Variants in EVA1C observed in about 807,000 individuals in gnomAD.
EVA1C encodes the protein protein eva-1 homolog C.
Under a neutral mutation model 45.4 loss-of-function variants are expected in EVA1C, and 25 were observed. The observed-to-expected ratio is 0.55, with a 90% CI of 0.40 to 0.77. The LOEUF is 0.77. Ranked by LOEUF, EVA1C falls within the 30% of genes least tolerant of loss-of-function variation. The pLI, the probability that EVA1C is intolerant of heterozygous loss-of-function variation, is 0.00. For missense variants in EVA1C, 479 were observed against 554.8 expected (o/e 0.86, Z 1.37); for synonymous variants, 190 against 221.2 (o/e 0.86, Z 1.25).
intron 4 of EVA1C, among the ~76,000 whole-genome samples, chr21:32,490,135 T>G (rs1176195715): frequency 6.6e-6 from 1 of 152,060 alleles, no homozygotes; most frequent in Non-Finnish European, 1.5e-5. Flanking sequence ...GTGTACAGTT[T>G]GGTCGTGTTA....
intron 3 of EVA1C, among the ~76,000 whole-genome samples, chr21:32,460,291 C>T (rs370787265): frequency 1.7e-4 from 26 of 152,130 alleles, no homozygotes; most frequent in African/African-American, 6.3e-4. Context: ...TAATTTCCAC[C>T]CCAAACAGCA....
chr21:32,482,790 T>C (rs1201064229), intron 4 of EVA1C, among the ~76,000 whole-genome samples: 5 of 151,886 alleles, frequency 3.3e-5, no homozygotes, highest in Admixed American at 1.3e-4. Context: ...CACCCTCTTG[T>C]GTTCTGGAAC....
intron 4 of EVA1C, among the ~76,000 whole-genome samples, chr21:32,488,133 T>C (rs2037035216): frequency 6.6e-6 from 1 of 152,190 alleles, no homozygotes; most frequent in Admixed American, 6.5e-5. Flanking sequence ...GATAAGGGGT[T>C]AATATTCAAA....
At chr21:32,480,624 C>T (rs191474966) in intron 4 of EVA1C, among the ~76,000 whole-genome samples, 334 of 152,252 alleles carry the variant, frequency 2.2e-3, no homozygotes, top group African/African-American at 7.4e-3. Flanking sequence ...ACCGTGTCTG[C>T]GCCACTGCAC....
At chr21:32,427,809 G>A (rs1192332227) in intron 1 of EVA1C, among the ~76,000 whole-genome samples, 1 of 146,788 alleles carries the variant, frequency 6.8e-6, no homozygotes, top group East Asian at 2.0e-4. Context: ...CTTGAAGGCA[G>A]GAGTTTGAGA....
In EVA1C at chr21:32,500,904, C is replaced by T. The variant is rs139239570; in HGVS notation, c.779-511C>T. On this transcript the variant is annotated intron_variant, in intron 5 of 7. Transcript: ENST00000300255. ...TTCGCTCACTGCAACCTCTGCCTCC[C>T]GTGTTCAAGCAAATTCTCCCTGCTT... 1.5e-3 allele frequency among the ~76,000 whole-genome samples: 232 copies of T among 152,182 alleles called. 2 individuals carry two copies. The highest frequency in any genetic ancestry group is 4.4e-3 in the African/African-American group (184 of 41,504).
At chr21:32,480,371 T>C (rs995375470) in intron 4 of EVA1C, among the ~76,000 whole-genome samples, 4 of 150,582 alleles carry the variant, frequency 2.7e-5, no homozygotes, top group South Asian at 2.1e-4. Context: ...TTTAAAATAT[T>C]GCTTATTTAA....
intron 1 of EVA1C, among the ~76,000 whole-genome samples, chr21:32,449,063 AAAG>A (rs1190207600): frequency 6.6e-6 from 1 of 152,086 alleles, no homozygotes; most frequent in Non-Finnish European, 1.5e-5. Flanking sequence ...AGAGAAAAGA[AAAG>A]AAAGAAAAAT....
At chr21:32,492,597 T>C (rs1397521881) in intron 4 of EVA1C, among the ~76,000 whole-genome samples, 2 of 152,116 alleles carry the variant, frequency 1.3e-5, no homozygotes, top group Admixed American at 6.5e-5. Flanking sequence ...CTATGCTTCT[T>C]CACAGCACCA....
chr21:32,495,210 C>T (rs1310873058), intron 5 of EVA1C, 40 bp downstream of exon 5: 3 of 1,604,400 alleles, frequency 1.9e-6, no homozygotes, highest in East Asian at 4.5e-5. Context: ...ATGACACTGC[C>T]TCTTTTGGGG....
intron 1 of EVA1C, among the ~76,000 whole-genome samples, chr21:32,415,681 T>A (rs756011490): frequency 2.6e-5 from 4 of 152,104 alleles, no homozygotes; most frequent in Non-Finnish European, 4.4e-5. Flanking sequence ...TGCTCGTGAC[T>A]TGTTCTAATC....
intron 1 of EVA1C, among the ~76,000 whole-genome samples, chr21:32,424,070 T>G (rs998285140): frequency 6.6e-6 from 1 of 152,178 alleles, no homozygotes; most frequent in Admixed American, 6.5e-5. Context: ...CCCTGCAATG[T>G]GGGGGAATAA....
chr21:32,505,156 G>A (rs2037684864), intron 7 of EVA1C, among the ~76,000 whole-genome samples: 1 of 152,016 alleles, frequency 6.6e-6, no homozygotes, highest in Admixed American at 6.5e-5. Flanking sequence ...TTTGGGTGGG[G>A]ACACAGCCAA....
chr21:32,493,753 A>G (rs1023776205), intron 4 of EVA1C: 4 of 151,838 alleles, frequency 2.6e-5, no homozygotes, highest in East Asian at 1.9e-4. Flanking sequence ...TCATCTGGGT[A>G]AAAAGCAAGG....
At chr21:32,433,998 A>T (rs1296411452) in intron 1 of EVA1C, among the ~76,000 whole-genome samples, 1 of 152,050 alleles carries the variant, frequency 6.6e-6, no homozygotes, top group Non-Finnish European at 1.5e-5. Flanking sequence ...ATCTCTGTTA[A>T]AAAATAATAA....
intron 3 of EVA1C, among the ~76,000 whole-genome samples, chr21:32,467,416 A>G (rs1473303180): frequency 6.6e-6 from 1 of 152,204 alleles, no homozygotes; most frequent in Non-Finnish European, 1.5e-5. Context: ...CCTGGGACCT[A>G]ACTCCATGCA....
At chr21:32,511,655 T>G (rs920892822) in intron 7 of EVA1C, among the ~76,000 whole-genome samples, 1 of 152,062 alleles carries the variant, frequency 6.6e-6, no homozygotes, top group Non-Finnish European at 1.5e-5. Flanking sequence ...TAGAAAATAA[T>G]GTAAAAGTCT....
intron 1 of EVA1C, among the ~76,000 whole-genome samples, chr21:32,419,692 G>A (rs2034188665): frequency 6.6e-6 from 1 of 152,068 alleles, no homozygotes; most frequent in Non-Finnish European, 1.5e-5. Context: ...TTCAGCCTGG[G>A]TGACAGAGCG....
intron 3 of EVA1C, among the ~76,000 whole-genome samples, chr21:32,464,806 G>C (rs1390421850): frequency 2.0e-5 from 3 of 152,186 alleles, no homozygotes; most frequent in African/African-American, 4.8e-5. Flanking sequence ...CTGGGTGACA[G>C]AGTGAGACCC....
Sources: allele counts gnomAD v4.1 joint callset (sites outside exome capture counted in the v4.1 genomes callset), GRCh38; gene constraint gnomAD v4.1.1; transcripts MANE v1.5; gene names NCBI Gene and HGNC (gene_info 2026-07-23, HGNC 2026-07-21).